Variants in IMMP2L observed in about 807,000 individuals in gnomAD.
The protein encoded by IMMP2L is mitochondrial inner membrane protease subunit 2.
IMMP2L carries 18 observed loss-of-function variants against 19.3 expected under a neutral mutation model. The ratio of observed to expected loss-of-function variants is 0.93; its 90% confidence interval spans 0.64 to 1.38. The LOEUF (loss-of-function observed/expected upper bound fraction) is 1.38. IMMP2L is among the 40% of genes most tolerant of loss of function. The pLI is 0.00. For missense variants in IMMP2L, 233 were observed against 218.2 expected, an observed-to-expected ratio of 1.07 and a Z score of -0.43; for synonymous variants, 76 against 73.0, an observed-to-expected ratio of 1.04 and a Z score of -0.21.
chr7:111,329,576 AAC>A (rs1563066053), intron 3 of IMMP2L, among the ~76,000 whole-genome samples: 1 of 151,878 alleles, frequency 6.6e-6, no homozygotes, highest in Non-Finnish European at 1.5e-5. Context: ...GTTAGCTCAG[AAC>A]ACTGATAACA....
At chr7:110,819,734 A>T (rs1802858895) in intron 5 of IMMP2L, among the ~76,000 whole-genome samples, 2 of 152,104 alleles carry the variant, frequency 1.3e-5, no homozygotes, top group African/African-American at 2.4e-5. Context: ...GGAGCTCAGA[A>T]TGGGGAAAAT....
intron 4 of IMMP2L, among the ~76,000 whole-genome samples, chr7:110,900,183 G>A (rs1357901679): frequency 1.3e-5 from 2 of 152,170 alleles, no homozygotes; most frequent in Non-Finnish European, 2.9e-5. Context: ...GTTGAAAGAT[G>A]CAATTTCTCA....
chr7:111,559,779 C>A (rs1326739165), intron 1 of IMMP2L, among the ~76,000 whole-genome samples: 1 of 152,034 alleles, frequency 6.6e-6, no homozygotes, highest in Non-Finnish European at 1.5e-5. Context: ...TTTATATATA[C>A]TCTTTGTTCT....
chr7:111,405,728 A>AC (rs1281119489), intron 3 of IMMP2L, among the ~76,000 whole-genome samples: 10 of 152,020 alleles, frequency 6.6e-5, no homozygotes, highest in Non-Finnish European at 1.3e-4. Context: ...GTGTTGGACT[A>AC]CCCTAGGAGG....
chr7:111,465,709 A>C (rs935443081), intron 3 of IMMP2L, among the ~76,000 whole-genome samples: 4 of 152,006 alleles, frequency 2.6e-5, no homozygotes, highest in African/African-American at 9.7e-5. Context: ...AAATAGGAAC[A>C]CTTTTACACT....
At chr7:111,062,140 C>T (rs1235062531) in intron 3 of IMMP2L, among the ~76,000 whole-genome samples, 2 of 152,148 alleles carry the variant, frequency 1.3e-5, no homozygotes, top group East Asian at 1.9e-4. Flanking sequence ...GGTAAAGACA[C>T]ACCTGAGATC....
chr7:110,804,913 C>T (rs537528268), intron 5 of IMMP2L, among the ~76,000 whole-genome samples: 2 of 152,196 alleles, frequency 1.3e-5, no homozygotes, highest in East Asian at 3.9e-4. Context: ...AAACCTCTAA[C>T]ATTTTTGTTT....
At chr7:111,311,303 AGAAAGAAGGAAG>A (rs921724646) in intron 3 of IMMP2L, among the ~76,000 whole-genome samples, 94 of 152,228 alleles carry the variant, frequency 6.2e-4, no homozygotes, top group Admixed American at 2.4e-3. Flanking sequence ...GAGAAGGGAA[AGAAAGAAGGAAG>A]GAAAGAAGGA....
chr7:111,284,064 C>CAT (rs1477443250), intron 3 of IMMP2L, among the ~76,000 whole-genome samples: 1 of 151,500 alleles, frequency 6.6e-6, no homozygotes, highest in Non-Finnish European at 1.5e-5. Context: ...CCATTTTCTC[C>CAT]TCAGTATATA....
At chr7:110,847,789 G>A (rs1037827861) in intron 5 of IMMP2L, among the ~76,000 whole-genome samples, 1 of 152,084 alleles carries the variant, frequency 6.6e-6, no homozygotes, top group African/African-American at 2.4e-5. Flanking sequence ...AAGGAATGAA[G>A]GTAAGTCAAT....
At chr7:111,145,228 A>C (rs190368235) in intron 3 of IMMP2L, among the ~76,000 whole-genome samples, 10 of 152,262 alleles carry the variant, frequency 6.6e-5, no homozygotes, top group Admixed American at 3.3e-4. Flanking sequence ...ATCTAGCAAG[A>C]AGCAGCTTTG....
At chr7:111,307,462 C>A (rs1198497965) in intron 3 of IMMP2L, among the ~76,000 whole-genome samples, 1 of 151,722 alleles carries the variant, frequency 6.6e-6, no homozygotes, top group Non-Finnish European at 1.5e-5. Flanking sequence ...TAAAATATAA[C>A]TAGGCAAAAA....
At chr7:110,824,750 C>A (rs955703778) in intron 5 of IMMP2L, among the ~76,000 whole-genome samples, 1 of 152,062 alleles carries the variant, frequency 6.6e-6, no homozygotes, top group Non-Finnish European at 1.5e-5. Flanking sequence ...GTTCAGCTGG[C>A]AATTCAATAC....
chr7:110,928,094 C>T (rs746147875), intron 4 of IMMP2L, among the ~76,000 whole-genome samples: 4 of 151,630 alleles, frequency 2.6e-5, no homozygotes, highest in Admixed American at 2.6e-4. Flanking sequence ...ACTACCAGAA[C>T]GAATGAAGTA....
intron 3 of IMMP2L, among the ~76,000 whole-genome samples, chr7:111,063,562 G>C (rs1246190232): frequency 6.6e-6 from 1 of 152,162 alleles, no homozygotes; most frequent in Non-Finnish European, 1.5e-5. Flanking sequence ...CTACTGCACT[G>C]TCAGGCTGCA....
At chr7:111,118,390 G>C (rs1299676906) in intron 3 of IMMP2L, among the ~76,000 whole-genome samples, 3 of 152,056 alleles carry the variant, frequency 2.0e-5, no homozygotes, top group South Asian at 2.1e-4. Flanking sequence ...GAAACAATCT[G>C]TATTTTCACA....
At chr7:110,697,208 T>A (rs13233732) in intron 5 of IMMP2L, among the ~76,000 whole-genome samples, 42,238 of 152,042 alleles carry the variant, frequency 0.28, 7,276 homozygotes, top group East Asian at 0.52. Flanking sequence ...TGACAGTATC[T>A]CATGATATCC....
intron 3 of IMMP2L, among the ~76,000 whole-genome samples, chr7:111,223,102 C>T (rs953713431): frequency 2.6e-5 from 4 of 151,864 alleles, no homozygotes; most frequent in Admixed American, 6.6e-5. Context: ...ACTATTAAAA[C>T]ATGAAAAACA....
chr7:110,818,367 T>C (rs1802723900), intron 5 of IMMP2L, among the ~76,000 whole-genome samples: 2 of 152,260 alleles, frequency 1.3e-5, no homozygotes, highest in Admixed American at 6.5e-5. Context: ...GAAAAAATGC[T>C]CATCATCACT....
Sources: gnomAD v4.1 joint callset for allele counts (sites outside exome capture counted in the v4.1 genomes callset) on GRCh38, gnomAD v4.1.1 for gene constraint, MANE v1.5 for transcripts, NCBI Gene and HGNC (gene_info 2026-07-23, HGNC 2026-07-21) for gene names.